The following HEATR1 variants were observed in gnomAD, a reference collection of about 807,000 sequenced individuals.
The protein encoded by HEATR1 is HEAT repeat-containing protein 1.
A neutral mutation model predicts 248.2 loss-of-function variants in HEATR1; 77 were observed. The ratio of observed to expected loss-of-function variants is 0.31; its 90% CI spans 0.26 to 0.37. HEATR1 has a LOEUF of 0.37. HEATR1 is among the 10% of genes least tolerant of loss of function. HEATR1 has a pLI of 1.00. For missense variants in HEATR1, 2,420 were observed against 2,504.9 expected, an observed-to-expected ratio of 0.97 and a Z score of 0.72; for synonymous variants, 897 against 923.1, an observed-to-expected ratio of 0.97 and a Z score of 0.51.
At chr1:236,604,261 T>C (rs891385622) in intron 1 of HEATR1, 134 bp from the exon 2 acceptor site, 13 of 612,468 alleles carry the variant, frequency 2.1e-5, no homozygotes, top group Non-Finnish European at 3.3e-5. Flanking sequence ...ACCCCGGAGA[T>C]GCAAAGACGA....
At position 236,572,545 on chromosome 1, in the gene HEATR1, T is replaced by C. The variant is rs757130174; in HGVS notation, c.3573A>G (p.Gln1191=). 8.1e-6 allele frequency: 13 copies of C among 1,613,660 alleles called. No homozygotes were observed. The Admixed American group carries it at 2.2e-4, about 27-fold the overall frequency. The change falls in exon 26 of 45, where the codon CAA becomes CAG. Residue 1191 remains glutamine, a synonymous_variant. Coordinates refer to ENST00000366582, the MANE Select transcript of HEATR1 (RefSeq NM_018072.6). The part of the protein sequence containing the change: ...RRQKMQQKKS[Q]DLESVQEVGG... ...CAACTTCCTGAACAGATTCTAGATC[T>C]TGTGATTTTCTGGAAAATGGAGAAG...
intron 36 of HEATR1, among the ~76,000 whole-genome samples, chr1:236,557,999 T>C (rs1663021846): frequency 6.6e-6 from 1 of 152,162 alleles, no homozygotes; most frequent in African/African-American, 2.4e-5. Context: ...AGTGCAGTGG[T>C]GCAGTCATAG....
At chr1:236,601,673 C>T (rs559971159) in intron 3 of HEATR1, among the ~76,000 whole-genome samples, 1 of 88,086 alleles carries the variant, frequency 1.1e-5, no homozygotes, top group East Asian at 4.2e-4. Context: ...CAAAAACAAA[C>T]AAACAAAAAA....
At position 236,564,362 on chromosome 1, in the gene HEATR1, C is replaced by A. The variant is rs1319952555; in HGVS notation, c.4599+136G>T. ...GAACGGCTTTTCATGGTGAAACGTACTTTCTTGTTCTATTATCTTTAAAGG... is the reference window on the plus strand; with the variant it reads ...GAACGGCTTTTCATGGTGAAACGTAATTTCTTGTTCTATTATCTTTAAAGG... On this transcript the variant is annotated intron_variant, in intron 32 of 44. Transcript: ENST00000366582. 54 of 689,592 alleles carry A rather than the reference C, an allele frequency of 7.8e-5. No individual in the cohort carries two copies. The East Asian group carries it at 1.5e-3, about 19-fold the overall frequency. The allele number at this position is 689,592 out of a possible 1,614,324, so 42.7% of individuals were successfully genotyped here. A position where few individuals can be genotyped will look rare whatever the true frequency, so the allele number is the denominator to read the frequency against.
chr1:236,562,380 G>C (rs915840964), intron 32 of HEATR1, among the ~76,000 whole-genome samples: 6 of 152,262 alleles, frequency 3.9e-5, no homozygotes, highest in Admixed American at 2.0e-4. Flanking sequence ...TTGAACTGTT[G>C]TTTTTTACAA....
Position 236,554,583 on chromosome 1 carries a change from A to C in HEATR1, c.6078+15T>G. On this transcript the variant is annotated intron_variant, in intron 42 of 44. Coordinates refer to ENST00000366582, the MANE Select transcript of HEATR1 (RefSeq NM_018072.6). ...ATGGCTTCCTCAGCAACGAAAGATG[A>C]TTCTGTTTGGTTACCTGATCCACCA... 1.2e-6 allele frequency: 2 copies of C among 1,608,816 alleles called. No individual in the cohort carries two copies. Among genetic ancestry groups the C allele is most frequent in the Non-Finnish European group, 1.7e-6 (2 of 1,178,550 alleles).
chr1:236,580,673 C>T lies in HEATR1; in HGVS notation c.2755+549G>A, dbSNP rs146571017. On this transcript the variant is annotated intron_variant, in intron 20 of 44. Coordinates refer to ENST00000366582, the MANE Select transcript of HEATR1 (RefSeq NM_018072.6). ...CTGGGACTACAGGCACGCACCATCA[C>T]GCCCAGCTAATTTTTGTATTTTTTG... Among the ~76,000 whole-genome samples the T allele has an allele frequency of 3.9e-3, 599 of 152,064 alleles. 4 individuals are homozygous for T. Among genetic ancestry groups the T allele is most frequent in the African/African-American group, 0.014 (569 of 41,474 alleles).
chr1:236,564,627 A>G lies in HEATR1; in HGVS notation c.4470T>C (p.Ser1490=). The stretch of plus-strand genomic sequence containing the variant: ...CCTGTAGCATTTCTTCTTGTGATTC[A>G]CTCTTATTAAATGACACTGCTTTGG... ...TIPKAVSFNK[S]ESQEEMLQVF... The change falls in exon 32 of 45, where the codon AGT becomes AGC. Residue 1490 remains serine (S), a synonymous_variant. Coordinates refer to ENST00000366582, the MANE Select transcript of HEATR1 (RefSeq NM_018072.6). The G allele has an allele frequency of 1.2e-6, 2 of 1,613,210 alleles. No individual in the cohort carries two copies. Among genetic ancestry groups the G allele is most frequent in the Non-Finnish European group, 1.7e-6 (2 of 1,179,906 alleles).
intron 32 of HEATR1, 34 bp from the exon 33 acceptor site, chr1:236,561,305 G>T (rs1077438): frequency 0.7 from 1,093,360 of 1,557,018 alleles, 388,084 homozygotes; most frequent in Non-Finnish European, 0.73. Context: ...TAGAACGGTA[G>T]GGAAGTCAAT....
rs1379883002 is a variant in HEATR1, at chr1:236,556,270, T to C, written c.5356-12A>G. Reference sequence around the variant, plus strand: ...TCCAGATGAATCACCTACAGGAATATAAAAAAAGTGATCAGGGCCACTGCA... The same window carrying C: ...TCCAGATGAATCACCTACAGGAATACAAAAAAAGTGATCAGGGCCACTGCA... On this transcript the variant is annotated splice_polypyrimidine_tract_variant and intron_variant, in intron 37 of 44. Coordinates refer to ENST00000366582, the MANE Select transcript of HEATR1 (RefSeq NM_018072.6). 1 of 1,613,196 alleles carries C rather than the reference T, an allele frequency of 6.2e-7. No individual in the cohort carries two copies. The highest frequency in any genetic ancestry group is 1.3e-5 in the African/African-American group (1 of 74,806).
chr1:236,584,373 G>A (rs114703428), intron 17 of HEATR1, among the ~76,000 whole-genome samples: 1,703 of 152,116 alleles, frequency 0.011, 16 homozygotes, highest in Non-Finnish European at 0.017. Flanking sequence ...AGCTAACAAT[G>A]GCCATGATCA....
In HEATR1 at chr1:236,592,578, T is replaced by C; in HGVS notation, c.1249A>G (p.Lys417Glu). Residue 417 changes from lysine (K) to glutamate (E), a missense_variant, in exon 10 of 45, where the codon AAA (lysine) becomes GAA (glutamate). Transcript: ENST00000366582. ...AATTGTTCATTAAGCAAAGACACTT[T>C]ATTAGAATCCATTTCTTCCTGTGAA... is the stretch of plus-strand genomic sequence containing the variant. ...YSSQEEMDSN[K>E]VSLLNEQFLP... 2 of 1,529,890 alleles carry C rather than the reference T, an allele frequency of 1.3e-6. No homozygotes were observed. Among genetic ancestry groups the C allele is most frequent in the Non-Finnish European group, 1.8e-6 (2 of 1,106,336 alleles). 94.8% of individuals were successfully genotyped at this position (1,529,890 alleles called of 1,614,324 possible).
In HEATR1 at chr1:236,589,406, A is replaced by G. The variant is rs574587374; in HGVS notation, c.1531-1363T>C. Among the ~76,000 whole-genome samples the G allele has an allele frequency of 1.2e-4, 19 of 152,366 alleles. No homozygotes were observed. In the South Asian group the frequency reaches 3.9e-3, roughly 32 times the overall value. On this transcript the variant is annotated intron_variant, in intron 12 of 44. Transcript: ENST00000366582. ...TTACATCAGTCACTTTCAAAGAAACATTCTCAAAGATCTAAATGTTGTTTG... is the reference window on the plus strand; with the variant it reads ...TTACATCAGTCACTTTCAAAGAAACGTTCTCAAAGATCTAAATGTTGTTTG...
Position 236,585,950 on chromosome 1 carries a change from T to G in HEATR1, c.1928-9A>C, listed in dbSNP as rs758182650. On this transcript the variant is annotated splice_polypyrimidine_tract_variant and intron_variant, in intron 15 of 44. Coordinates refer to ENST00000366582, the MANE Select transcript of HEATR1 (RefSeq NM_018072.6). Reference sequence around the variant, plus strand: ...AATTACATTTTCAAGAGCTGTAAAGTAAAATCGAATGCAGAGAGCTCTTAT... The same window carrying G: ...AATTACATTTTCAAGAGCTGTAAAGGAAAATCGAATGCAGAGAGCTCTTAT... The G allele has an allele frequency of 2.5e-5, 40 of 1,612,940 alleles. No homozygotes were observed. The highest frequency in any genetic ancestry group is 3.3e-5 in the Non-Finnish European group (39 of 1,179,468).
chr1:236,559,873 G>GT, intron 33 of HEATR1, 36 bp from the exon 34 acceptor site: 1 of 1,571,918 alleles, frequency 6.4e-7, no homozygotes, highest in Non-Finnish European at 8.7e-7. Context: ...AACGGCAGCT[G>GT]AAGGCACTCA....
intron 43 of HEATR1, 46 bp from the exon 44 acceptor site, chr1:236,552,153 AT>A (rs1406394163): frequency 7.9e-7 from 1 of 1,272,282 alleles, no homozygotes. Context: ...GTGTTACTGT[AT>A]TTATTATCTT....
At chr1:236,556,732 C>G (rs1277240545) in intron 37 of HEATR1, among the ~76,000 whole-genome samples, 1 of 152,196 alleles carries the variant, frequency 6.6e-6, no homozygotes, top group Non-Finnish European at 1.5e-5. Flanking sequence ...CAGGTCTCAA[C>G]ATTCTTGAGC....
chr1:236,571,792 A>G, intron 26 of HEATR1, 106 bp from the exon 27 acceptor site: 3 of 753,128 alleles, frequency 4.0e-6, no homozygotes, highest in South Asian at 3.2e-5. Context: ...AACTCATTCA[A>G]TAAGGAATAA....
chr1:236,599,694 C>T lies in HEATR1; in HGVS notation c.360-70G>A, dbSNP rs527413902. ...AATAAGCACCTATTTCCTCACATGC[C>T]CAAACTGTATTATTAATAAGCTAAA... is the stretch of plus-strand genomic sequence containing the variant. On this transcript the variant is annotated intron_variant, in intron 3 of 44. Transcript: ENST00000366582. 133 of 1,363,198 alleles carry T rather than the reference C, an allele frequency of 9.8e-5. No individual in the cohort carries two copies. In the African/African-American group the frequency reaches 1.6e-3, roughly 17 times the overall value. The allele number at this position is 1,363,198 out of a possible 1,614,324, so 84.4% of individuals were successfully genotyped here. A position where few individuals can be genotyped will look rare whatever the true frequency, so the allele number is the denominator to read the frequency against.
Sources: allele counts gnomAD v4.1 joint callset (sites outside exome capture counted in the v4.1 genomes callset), GRCh38; gene constraint gnomAD v4.1.1; transcripts MANE v1.5; gene names NCBI Gene and HGNC (gene_info 2026-07-23, HGNC 2026-07-21).